Variants in RAI1 observed in about 807,000 individuals in gnomAD.
RAI1 encodes retinoic acid induced 1, also known as retinoic acid-induced protein 1.
In RAI1, 9 loss-of-function variants were observed where a neutral mutation model predicts 123.8. That is an observed-to-expected ratio of 0.07 (90% CI 0.04 to 0.13). The LOEUF is 0.13. Ranked by LOEUF, RAI1 falls within the 10% of genes least tolerant of loss-of-function variation. RAI1 has a pLI of 1.00. For synonymous variants in RAI1, 1,231 were observed against 1,127.3 expected, an observed-to-expected ratio of 1.09 and a Z score of -1.84; for missense variants, 2,256 against 2,545.8, an observed-to-expected ratio of 0.89 and a Z score of 2.45.
intron 2 of RAI1, among the ~76,000 whole-genome samples, chr17:17,743,770 G>C (rs1048785256): frequency 6.6e-6 from 1 of 152,238 alleles, no homozygotes; most frequent in Non-Finnish European, 1.5e-5. Flanking sequence ...GGTGGCCTGG[G>C]AATCTGAATT....
chr17:17,729,648 G>T (rs1916206846), intron 2 of RAI1, among the ~76,000 whole-genome samples: 2 of 152,220 alleles, frequency 1.3e-5, no homozygotes, highest in South Asian at 2.1e-4. Flanking sequence ...GGTCAAGTTT[G>T]TTCAAGTGCC....
At chr17:17,699,591 A>G (rs1323238157) in intron 1 of RAI1, among the ~76,000 whole-genome samples, 1 of 125,034 alleles carries the variant, frequency 8.0e-6, no homozygotes, top group Non-Finnish European at 1.6e-5. Context: ...CGTCCTGACC[A>G]CAGACCTGTT....
At chr17:17,730,846 A>G (rs192796225) in intron 2 of RAI1, among the ~76,000 whole-genome samples, 2 of 152,198 alleles carry the variant, frequency 1.3e-5, no homozygotes, top group Non-Finnish European at 1.5e-5. Flanking sequence ...CAAGTGTGGC[A>G]CGGGGCGGAG....
chr17:17,797,641 G>C lies in RAI1; in HGVS notation c.4693G>C (p.Val1565Leu). The change falls in exon 3 of 6, where the codon GTG becomes CTG. Residue 1565 changes from valine (V) to leucine (L), a missense_variant. By Grantham distance (32) the Val-to-Leu change is conservative (BLOSUM62 1). Transcript: ENST00000353383. ...TGCCAAGCGACGACGACAGCAGCAG[G>C]TGCTGCCCCTGGATCCCGCAGAGCC... ...GRAKRRRQQQ[V>L]LPLDPAEPEI... 4 of 1,613,876 alleles carry C rather than the reference G, an allele frequency of 2.5e-6. No individual in the cohort carries two copies. The highest frequency in any genetic ancestry group is 3.4e-6 in the Non-Finnish European group (4 of 1,180,022).
intron 1 of RAI1, among the ~76,000 whole-genome samples, chr17:17,694,459 T>G (rs1567825569): frequency 6.6e-6 from 1 of 152,114 alleles, no homozygotes; most frequent in Non-Finnish European, 1.5e-5. Flanking sequence ...CTCAGAGGGC[T>G]GGGAGGGCCC....
chr17:17,768,812 G>A (rs1451020277), intron 2 of RAI1, among the ~76,000 whole-genome samples: 1 of 152,248 alleles, frequency 6.6e-6, no homozygotes, highest in South Asian at 2.1e-4. Flanking sequence ...GCTGCGGCTG[G>A]TGTTAGCACT....
At position 17,809,773 on chromosome 17, in the gene RAI1, C is replaced by T; in HGVS notation, c.5710-197C>T. Among the ~76,000 whole-genome samples the T allele has an allele frequency of 6.6e-6, 1 of 152,102 alleles. No homozygotes were observed. Among genetic ancestry groups the T allele is most frequent in the Non-Finnish European group, 1.5e-5 (1 of 67,992 alleles). On this transcript the variant is annotated intron_variant, in intron 5 of 5. Coordinates refer to ENST00000353383, the MANE Select transcript of RAI1 (RefSeq NM_030665.4). The surrounding 1 kb of genome is among the most constrained non-coding windows in gnomAD (Gnocchi z 4.9). ...GGGGGCGCGGGACGGTGGCACGGAG[C>T]TGAAGGCGAAGGTGAAGGTGAAGCT...
At chr17:17,748,408 T>C (rs938434710) in intron 2 of RAI1, among the ~76,000 whole-genome samples, 5 of 152,036 alleles carry the variant, frequency 3.3e-5, no homozygotes, top group African/African-American at 9.7e-5. Context: ...TCCGAGAAGG[T>C]TGATTGGGTG....
intron 2 of RAI1, among the ~76,000 whole-genome samples, chr17:17,747,674 C>T (rs2029980224): frequency 6.6e-6 from 1 of 152,086 alleles, no homozygotes. Context: ...CCCTCTTGTG[C>T]TTAGTCGCTT....
intron 2 of RAI1, among the ~76,000 whole-genome samples, chr17:17,762,877 T>C (rs2030763104): frequency 2.6e-5 from 4 of 151,750 alleles, no homozygotes. Flanking sequence ...TCTCTAGGGC[T>C]GAAAGCAAGA....
At chr17:17,779,013 T>A in intron 2 of RAI1, 2 of 408,866 alleles carry the variant, frequency 4.9e-6, no homozygotes, top group Non-Finnish European at 1.0e-5. Context: ...AGAGTGTTGT[T>A]CAAAACAGCT....
At chr17:17,731,123 G>C (rs926678656) in intron 2 of RAI1, among the ~76,000 whole-genome samples, 1 of 152,232 alleles carries the variant, frequency 6.6e-6, no homozygotes, top group Non-Finnish European at 1.5e-5. Flanking sequence ...GAGGACGTGG[G>C]AGCAGAGGGG....
intron 1 of RAI1, among the ~76,000 whole-genome samples, chr17:17,692,774 A>G (rs527570090): frequency 6.6e-6 from 1 of 152,304 alleles, no homozygotes; most frequent in African/African-American, 2.4e-5. Flanking sequence ...AAGTGGGCAT[A>G]ATCATGCCTT....
intron 1 of RAI1, 127 bp downstream of exon 1, chr17:17,681,920 TG>T (rs1391691766): frequency 2.7e-5 from 6 of 220,688 alleles, no homozygotes; most frequent in Non-Finnish European, 4.4e-5. Context: ...GCGCGCGCGC[TG>T]GGTGGAGATG....
intron 2 of RAI1, among the ~76,000 whole-genome samples, chr17:17,765,447 A>G (rs888444793): frequency 2.6e-5 from 4 of 152,260 alleles, no homozygotes; most frequent in African/African-American, 7.2e-5. Flanking sequence ...TCTGTATTGT[A>G]CACACAAGAT....
chr17:17,731,167 C>T (rs1235790459), intron 2 of RAI1, among the ~76,000 whole-genome samples: 3 of 152,192 alleles, frequency 2.0e-5, no homozygotes, highest in East Asian at 1.9e-4. Flanking sequence ...CAGCCTGAAC[C>T]GGGTCAGCCT....
intron 2 of RAI1, among the ~76,000 whole-genome samples, chr17:17,790,273 C>G (rs556002828): frequency 6.6e-6 from 1 of 152,370 alleles, no homozygotes; most frequent in Admixed American, 6.5e-5. Flanking sequence ...CACTGAGAGG[C>G]GGCCTGTGCC....
chr17:17,684,671 C>CATATATATATATAT (rs58265371), intron 1 of RAI1: 1 of 125,868 alleles, frequency 7.9e-6, no homozygotes, highest in Admixed American at 8.6e-5. Flanking sequence ...TCACTTAATG[C>CATATATATATATAT]ATATATATAT....
At chr17:17,725,131 G>A (rs1049434921) in intron 2 of RAI1, among the ~76,000 whole-genome samples, 2 of 151,984 alleles carry the variant, frequency 1.3e-5, no homozygotes, top group Non-Finnish European at 2.9e-5. Context: ...GGCAGGGAGG[G>A]GGCTGGGGGG....
Sources: gnomAD v4.1 joint callset for allele counts (sites outside exome capture counted in the v4.1 genomes callset) on GRCh38, gnomAD v4.1.1 for gene constraint, Gnocchi (gnomAD v3.1) non-coding constraint, MANE v1.5 for transcripts, NCBI Gene and HGNC (gene_info 2026-07-23, HGNC 2026-07-21) for gene names.